Variants in KANK1 observed in about 807,000 individuals in gnomAD.
KANK1 encodes the protein KN motif and ankyrin repeat domain-containing protein 1.
KANK1 carries 109 observed loss-of-function variants against 106.2 expected under a neutral mutation model. The ratio of observed to expected loss-of-function variants is 1.03; its 90% CI spans 0.88 to 1.20. The LOEUF (loss-of-function observed/expected upper bound fraction) is 1.20, where lower values mean the gene tolerates loss of function less well. KANK1 is among the 50% of genes most tolerant of loss of function. KANK1 has a pLI of 0.00. For synonymous variants in KANK1, 873 were observed against 652.2 expected (o/e 1.34, Z -5.16); for missense variants, 2,399 against 1,710.7 (o/e 1.40, Z -7.10).
intron 2 of KANK1, chr9:684,703 C>G (rs1461804340): frequency 7.0e-6 from 3 of 431,598 alleles, no homozygotes; most frequent in Non-Finnish European, 9.0e-6. Flanking sequence ...CTTCCTGTGT[C>G]TGGGATAATT....
At chr9:686,778 A>G in intron 2 of KANK1, 1 of 985,424 alleles carries the variant, frequency 1.0e-6, no homozygotes. Context: ...GGGCCCAAGC[A>G]TCACACACGT....
At chr9:577,407 A>G (rs1820864418) in intron 1 of KANK1, among the ~76,000 whole-genome samples, 1 of 152,050 alleles carries the variant, frequency 6.6e-6, no homozygotes, top group Non-Finnish European at 1.5e-5. Context: ...AAACCTTTAG[A>G]CACAGAGCGC....
chr9:700,041 G>C (rs1041415949), intron 2 of KANK1, among the ~76,000 whole-genome samples: 3 of 152,186 alleles, frequency 2.0e-5, no homozygotes, highest in Non-Finnish European at 4.4e-5. Flanking sequence ...AAGAGGTATT[G>C]GTGAATTGCA....
intron 1 of KANK1, among the ~76,000 whole-genome samples, chr9:603,849 C>G (rs1828393956): frequency 6.6e-6 from 1 of 150,718 alleles, no homozygotes; most frequent in Non-Finnish European, 1.5e-5. Flanking sequence ...GTCCCAGCTA[C>G]TCTGGAGGCT....
At chr9:728,336 T>G (rs1032824543) in intron 3 of KANK1, among the ~76,000 whole-genome samples, 1 of 152,178 alleles carries the variant, frequency 6.6e-6, no homozygotes, top group Non-Finnish European at 1.5e-5. Flanking sequence ...TAGCTGGGAC[T>G]ACAGGCACCC....
At chr9:574,218 A>G (rs1391020219) in intron 1 of KANK1, among the ~76,000 whole-genome samples, 3 of 152,236 alleles carry the variant, frequency 2.0e-5, no homozygotes, top group Non-Finnish European at 4.4e-5. Context: ...GTAACATTCC[A>G]TAAAGGCTAA....
rs554758292 is a variant in KANK1 at position 517,774 on chromosome 9, T to C, written c.-84+13020T>C. On this transcript the variant is annotated intron_variant, in intron 1 of 11. Transcript: ENST00000382297. Reference sequence around the variant, plus strand: ...TTTTTTTTGAGACAGAGTCTCGCTCTGTCACCCAGGTTGGAGTAAAGTGGC... The same window carrying C: ...TTTTTTTTGAGACAGAGTCTCGCTCCGTCACCCAGGTTGGAGTAAAGTGGC... Among the ~76,000 whole-genome samples the C allele has an allele frequency of 2.2e-3, 327 of 148,828 alleles. 4 individuals carry two copies. Among genetic ancestry groups the C allele is most frequent in the Non-Finnish European group, 3.5e-3 (240 of 67,628 alleles).
intron 1 of KANK1, among the ~76,000 whole-genome samples, chr9:546,937 G>C (rs117574611): frequency 0.013 from 1,942 of 152,306 alleles, 18 homozygotes; most frequent in Non-Finnish European, 0.019. Context: ...GCTTTGGGAA[G>C]GAAAGAGTAC....
At chr9:540,375 G>A (rs2060531725) in intron 1 of KANK1, 1 of 152,106 alleles carries the variant, frequency 6.6e-6, no homozygotes, top group African/African-American at 2.4e-5. Context: ...TTGCATCCCA[G>A]GGATAAATCC....
intron 2 of KANK1, among the ~76,000 whole-genome samples, chr9:687,158 A>C (rs1453608957): frequency 6.6e-6 from 1 of 152,116 alleles, no homozygotes; most frequent in Non-Finnish European, 1.5e-5. Flanking sequence ...GCTCACTTTT[A>C]AATGACCATA....
intron 3 of KANK1, among the ~76,000 whole-genome samples, chr9:726,869 A>G (rs1391885155): frequency 6.6e-6 from 1 of 152,204 alleles, no homozygotes; most frequent in Non-Finnish European, 1.5e-5. Context: ...CTGAGGCACA[A>G]GAATCTCTTG....
rs144709034 is a variant in KANK1 at position 734,954 on chromosome 9, T to C, written c.3333+119T>C. The C allele has an allele frequency of 4.2e-4, 304 of 720,880 alleles. 1 individual carries two copies. The African/African-American group carries it at 4.6e-3, about 11-fold the overall frequency. 44.7% of individuals were successfully genotyped at this position (720,880 alleles called of 1,614,324 possible). ...TTGCATGCTTTTCTCCTGAACTGTT[T>C]CCAGCATGAGTGGGCTGGGTAAACA... On this transcript the variant is annotated intron_variant, in intron 7 of 11. Coordinates refer to ENST00000382297, the MANE Select transcript of KANK1 (RefSeq NM_015158.5).
At chr9:688,598 C>CAA (rs33959316) in intron 2 of KANK1, among the ~76,000 whole-genome samples, 1 of 108,944 alleles carries the variant, frequency 9.2e-6, no homozygotes. Flanking sequence ...GACTCTGTCT[C>CAA]AAAAAAAAAA....
At chr9:485,741 CAT>C (rs2058281364) in intron 3 of KANK1, among the ~76,000 whole-genome samples, 3 of 151,932 alleles carry the variant, frequency 2.0e-5, no homozygotes, top group African/African-American at 7.2e-5. Context: ...TGTGGTGGCG[CAT>C]GCCTGTAATC....
intron 1 of KANK1, among the ~76,000 whole-genome samples, chr9:659,830 G>A (rs951128014): frequency 6.6e-6 from 1 of 152,032 alleles, no homozygotes; most frequent in Non-Finnish European, 1.5e-5. Flanking sequence ...AGATTTGGGT[G>A]GGGACACAAA....
intron 2 of KANK1, among the ~76,000 whole-genome samples, chr9:709,856 A>G (rs1825443826): frequency 6.6e-6 from 1 of 152,108 alleles, no homozygotes; most frequent in African/African-American, 2.4e-5. Flanking sequence ...ACCTCAGGTG[A>G]TCCACCCGCC....
chr9:601,154 A>C (rs755536900), intron 1 of KANK1, among the ~76,000 whole-genome samples: 3 of 151,858 alleles, frequency 2.0e-5, no homozygotes, highest in African/African-American at 4.9e-5. Flanking sequence ...GAAATGTTGC[A>C]AAGGTAGTAC....
At chr9:630,446 G>T (rs1442447890) in intron 1 of KANK1, among the ~76,000 whole-genome samples, 3 of 152,078 alleles carry the variant, frequency 2.0e-5, no homozygotes, top group Non-Finnish European at 4.4e-5. Flanking sequence ...AGCTACTCGG[G>T]AGGCTGAGGC....
rs767618077 is a variant in KANK1, at chr9:691,611, A to ATT, written c.37+14620_37+14621dup. Among the ~76,000 whole-genome samples the ATT allele has an allele frequency of 7.3e-3, 519 of 71,054 alleles. 17 individuals carry two copies. Among genetic ancestry groups the ATT allele is most frequent in the Non-Finnish European group, 0.011 (408 of 35,566 alleles). 46.6% of individuals were successfully genotyped at this position (71,054 alleles called of 152,430 possible). A position where few individuals can be genotyped will look rare whatever the true frequency, so the allele number is the denominator to read the frequency against. The stretch of plus-strand genomic sequence containing the variant: ...AATAATGTAACTAAATAATACCAGA[A>ATT]TTTTTTTTTTTTTTTTTTTGAGACC... On this transcript the variant is annotated intron_variant, in intron 2 of 11. Coordinates refer to ENST00000382297, the MANE Select transcript of KANK1 (RefSeq NM_015158.5).
Sources: gnomAD v4.1 joint callset for allele counts (sites outside exome capture counted in the v4.1 genomes callset) on GRCh38, gnomAD v4.1.1 for gene constraint, MANE v1.5 for transcripts, NCBI Gene and HGNC (gene_info 2026-07-23, HGNC 2026-07-21) for gene names.